Variants in DOCK5 observed in about 807,000 individuals in gnomAD.
DOCK5 encodes dedicator of cytokinesis 5, also known as dedicator of cytokinesis protein 5.
Under a neutral mutation model 251.8 loss-of-function variants are expected in DOCK5, and 142 were observed. The observed-to-expected ratio is 0.56, with a 90% CI of 0.49 to 0.65. DOCK5 has a LOEUF of 0.65. Among genes scored for constraint, DOCK5 ranks in the 30% least tolerant of loss-of-function variants. DOCK5 has a pLI of 0.00. For missense variants in DOCK5, 2,111 were observed against 2,312.3 expected (o/e 0.91, Z 1.79); for synonymous variants, 842 against 835.5 (o/e 1.01, Z -0.13).
intron 1 of DOCK5, among the ~76,000 whole-genome samples, chr8:25,210,060 G>A (rs1430858466): frequency 7.3e-5 from 2 of 27,244 alleles, no homozygotes; most frequent in African/African-American, 2.4e-4. Flanking sequence ...GTGTGTGTGT[G>A]TGTGTGTGTA....
At chr8:25,275,508 T>G in intron 4 of DOCK5, 67 bp downstream of exon 4, 1 of 1,481,830 alleles carries the variant, frequency 6.7e-7, no homozygotes, top group Non-Finnish European at 9.3e-7. Flanking sequence ...AATGATAATC[T>G]TTAGGCATTA....
chr8:25,410,972 T>TGTGTGTGTGTGTGC (rs1331552371), intron 51 of DOCK5, among the ~76,000 whole-genome samples: 90 of 19,164 alleles, frequency 4.7e-3, no homozygotes, highest in Non-Finnish European at 9.4e-3. Flanking sequence ...TGTGTGTGTG[T>TGTGTGTGTGTGTGC]GCGCGCGCGC....
intron 18 of DOCK5, among the ~76,000 whole-genome samples, chr8:25,331,791 TATATATATATAGAGAGAG>T (rs1805685754): frequency 2.8e-5 from 1 of 35,402 alleles, no homozygotes; most frequent in African/African-American, 6.6e-5. Flanking sequence ...CATATATATA[TATATATATATAGAGAGAG>T]AGAGAGAGAG....
chr8:25,289,121 C>A (rs2117146613), intron 5 of DOCK5, among the ~76,000 whole-genome samples: 1 of 152,214 alleles, frequency 6.6e-6, no homozygotes, highest in Admixed American at 6.5e-5. Flanking sequence ...TACTTTACAC[C>A]AAGGCCTCTT....
intron 1 of DOCK5, among the ~76,000 whole-genome samples, chr8:25,197,573 G>GTTTTT (rs1312014419): frequency 6.5e-5 from 4 of 61,736 alleles, no homozygotes; most frequent in South Asian, 4.7e-4. Flanking sequence ...TCGTGTCTTT[G>GTTTTT]TCTTTTTTTT....
At chr8:25,404,767 G>A (rs1051255972) in intron 48 of DOCK5, among the ~76,000 whole-genome samples, 2 of 151,950 alleles carry the variant, frequency 1.3e-5, no homozygotes, top group African/African-American at 2.4e-5. Flanking sequence ...TGTCAAAGAT[G>A]TATATTTGCA....
intron 2 of DOCK5, among the ~76,000 whole-genome samples, chr8:25,246,279 T>G (rs770256178): frequency 5.3e-5 from 8 of 152,168 alleles, no homozygotes; most frequent in Middle Eastern, 3.4e-3. Flanking sequence ...TGTTGTTGTT[T>G]TTTGTATTTT....
chr8:25,317,561 A>C (rs2117194763), intron 14 of DOCK5, among the ~76,000 whole-genome samples: 1 of 152,264 alleles, frequency 6.6e-6, no homozygotes, highest in South Asian at 2.1e-4. Flanking sequence ...AGAGACTGAA[A>C]CTGGAAGAGC....
intron 45 of DOCK5, 73 bp downstream of exon 45, chr8:25,395,792 C>A (rs1231559061): frequency 1.3e-6 from 2 of 1,486,796 alleles, no homozygotes; most frequent in Non-Finnish European, 1.8e-6. Flanking sequence ...GTGCCATTTG[C>A]CACTGACAAA....
chr8:25,269,763 T>C (rs1014976045), intron 3 of DOCK5, among the ~76,000 whole-genome samples: 23 of 152,258 alleles, frequency 1.5e-4, no homozygotes, highest in African/African-American at 5.1e-4. Flanking sequence ...TAGGGCCTTA[T>C]TATTTCACAA....
chr8:25,270,169 C>A (rs1287489223), intron 3 of DOCK5, among the ~76,000 whole-genome samples: 1 of 152,156 alleles, frequency 6.6e-6, no homozygotes, highest in Non-Finnish European at 1.5e-5. Flanking sequence ...CACCTCAAGC[C>A]AGAGAATGAA....
At chr8:25,361,046 C>G (rs1356794699) in intron 28 of DOCK5, among the ~76,000 whole-genome samples, 1 of 152,122 alleles carries the variant, frequency 6.6e-6, no homozygotes, top group Non-Finnish European at 1.5e-5. Flanking sequence ...AGGCCTTTGC[C>G]TCCCAGTGGC....
Position 25,414,484 on chromosome 8 carries a change from G to C in DOCK5, c.*3186G>C, listed in dbSNP as rs1801678931. Reference sequence around the variant, plus strand: ...ACTGCAATTTCCTAATGTAGAACAAGATATAAAGCAGGCTTTGAGACAACA... The same window carrying C: ...ACTGCAATTTCCTAATGTAGAACAACATATAAAGCAGGCTTTGAGACAACA... On this transcript the variant is annotated 3_prime_UTR_variant, in exon 52 of 52. Transcript: ENST00000276440. The C allele has an allele frequency of 6.6e-6, 1 of 152,284 alleles. No individual in the cohort carries two copies. Among genetic ancestry groups the C allele is most frequent in the South Asian group, 2.1e-4 (1 of 4,828 alleles). The allele number at this position is 152,284 out of a possible 1,614,324, so 9.4% of individuals were successfully genotyped here.
chr8:25,206,884 T>C (rs1227680671), intron 1 of DOCK5, among the ~76,000 whole-genome samples: 3 of 152,202 alleles, frequency 2.0e-5, no homozygotes, highest in Admixed American at 1.3e-4. Context: ...GAAGCCAATG[T>C]TGTGAATGGA....
intron 18 of DOCK5, among the ~76,000 whole-genome samples, chr8:25,331,797 TATATAGAGAGAGAGAGAGAGAGAG>T (rs1174540709): frequency 1.0e-3 from 41 of 40,078 alleles, no homozygotes; most frequent in African/African-American, 2.2e-3. Flanking sequence ...TATATATATA[TATATAGAGAGAGAGAGAGAGAGAG>T]AGAGAGAGAG....
At chr8:25,384,459 A>ATTTTTTTTTTTTT (rs1208387306) in intron 40 of DOCK5, among the ~76,000 whole-genome samples, 2 of 65,704 alleles carry the variant, frequency 3.0e-5, no homozygotes, top group Admixed American at 1.8e-4. Context: ...TTATTTATTT[A>ATTTTTTTTTTTTT]TTTATTTTTT....
chr8:25,387,910 T>G (rs1400562614), intron 40 of DOCK5, among the ~76,000 whole-genome samples: 1 of 152,212 alleles, frequency 6.6e-6, no homozygotes, highest in Non-Finnish European at 1.5e-5. Flanking sequence ...TTTACAGTTA[T>G]CGTCTGCATC....
chr8:25,255,971 A>G (rs1029671096), intron 2 of DOCK5, among the ~76,000 whole-genome samples: 4 of 152,266 alleles, frequency 2.6e-5, no homozygotes, highest in Admixed American at 2.6e-4. Flanking sequence ...TCATAGTAGC[A>G]GGAAACAGAC....
At chr8:25,374,800 G>T (rs1418843494) in intron 37 of DOCK5, 146 bp downstream of exon 37, 30 of 1,542,932 alleles carry the variant, frequency 1.9e-5, no homozygotes, top group Non-Finnish European at 2.5e-5. Context: ...TTCTAAATAG[G>T]CACAGCTAAT....
Sources: allele counts gnomAD v4.1 joint callset (sites outside exome capture counted in the v4.1 genomes callset), GRCh38; gene constraint gnomAD v4.1.1; transcripts MANE v1.5; gene names NCBI Gene and HGNC (gene_info 2026-07-23, HGNC 2026-07-21).